PDHX: variants seen among roughly 807,000 people sequenced by gnomAD.
PDHX encodes pyruvate dehydrogenase protein X component, mitochondrial.
A neutral mutation model predicts 55.3 loss-of-function variants in PDHX; 33 were observed. The ratio of observed to expected loss-of-function variants is 0.60; its 90% CI spans 0.45 to 0.80. The LOEUF (loss-of-function observed/expected upper bound fraction) is 0.80. Among genes scored for constraint, PDHX ranks in the 30% least tolerant of loss-of-function variants. PDHX has a pLI of 0.00. For synonymous variants in PDHX, 226 were observed against 219.4 expected, an observed-to-expected ratio of 1.03 and a Z score of -0.27; for missense variants, 622 against 619.9, an observed-to-expected ratio of 1.00 and a Z score of -0.04.
intron 1 of PDHX, among the ~76,000 whole-genome samples, chr11:34,924,378 C>A (rs543724542): frequency 1.3e-5 from 2 of 152,202 alleles, no homozygotes; most frequent in South Asian, 4.1e-4. Context: ...GCATGTGCCA[C>A]CAAGCCTAAT....
intron 7 of PDHX, among the ~76,000 whole-genome samples, chr11:34,971,908 A>G (rs1271672156): frequency 6.6e-6 from 1 of 152,056 alleles, no homozygotes; most frequent in Non-Finnish European, 1.5e-5. Flanking sequence ...GTTTTTAACT[A>G]TGAATTTTAT....
chr11:34,977,502 C>T (rs548966607), intron 7 of PDHX, among the ~76,000 whole-genome samples: 9 of 152,244 alleles, frequency 5.9e-5, no homozygotes, highest in Admixed American at 5.2e-4. Context: ...ACACTAGGAC[C>T]TATGCCAGCA....
chr11:34,954,749 T>C (rs1427246023), intron 3 of PDHX, among the ~76,000 whole-genome samples: 3 of 150,290 alleles, frequency 2.0e-5, no homozygotes, highest in East Asian at 3.9e-4. Flanking sequence ...ACAATGAAAA[T>C]GAAAACAAGT....
chr11:34,954,881 A>C (rs1226278454), intron 3 of PDHX, among the ~76,000 whole-genome samples: 1 of 152,216 alleles, frequency 6.6e-6, no homozygotes, highest in East Asian at 1.9e-4. Flanking sequence ...ATGGTGAGAT[A>C]AGGAAACTTT....
Position 34,957,359 on chromosome 11 carries a change from A to G in PDHX, c.343-25A>G, listed in dbSNP as rs373954794. 120 of 1,458,086 alleles carry G rather than the reference A, an allele frequency of 8.2e-5. No homozygotes were observed. The African/African-American group carries it at 1.4e-3, about 18-fold the overall frequency. The allele number at this position is 1,458,086 out of a possible 1,614,324, so 90.3% of individuals were successfully genotyped here. A position where few individuals can be genotyped will look rare whatever the true frequency, so the allele number is the denominator to read the frequency against. On this transcript the variant is annotated intron_variant, in intron 3 of 10. Coordinates refer to ENST00000227868, the MANE Select transcript of PDHX (RefSeq NM_003477.3). ...TGCAGTCATGGGGTTTTACTTCTCT[A>G]CAGTTACTTCTTTTTTAAATATAGG... is the stretch of plus-strand genomic sequence containing the variant.
chr11:34,977,504 A>G (rs1855405253), intron 7 of PDHX, among the ~76,000 whole-genome samples: 1 of 152,188 alleles, frequency 6.6e-6, no homozygotes, highest in African/African-American at 2.4e-5. Context: ...ACTAGGACCT[A>G]TGCCAGCATT....
At chr11:34,936,783 CTTTTTTTT>C (rs58582234) in intron 2 of PDHX, among the ~76,000 whole-genome samples, 1 of 79,014 alleles carries the variant, frequency 1.3e-5, no homozygotes, top group African/African-American at 6.3e-5. Flanking sequence ...CTTTTCTTTT[CTTTTTTTT>C]TTTTTTTTTT....
chr11:34,967,027 T>C (rs1302630224), intron 6 of PDHX, among the ~76,000 whole-genome samples: 1 of 152,022 alleles, frequency 6.6e-6, no homozygotes, highest in Non-Finnish European at 1.5e-5. Flanking sequence ...AATTTTTGTA[T>C]TTTTAGTAGA....
At chr11:34,966,846 T>C (rs757160200) in intron 6 of PDHX, 32 bp downstream of exon 6, 2 of 1,587,780 alleles carry the variant, frequency 1.3e-6, no homozygotes, top group African/African-American at 2.7e-5. Flanking sequence ...TTTATTTCTT[T>C]TTCTTGTTTT....
chr11:34,938,476 A>T (rs1382867726), intron 2 of PDHX, among the ~76,000 whole-genome samples: 2 of 152,230 alleles, frequency 1.3e-5, no homozygotes, highest in African/African-American at 4.8e-5. Flanking sequence ...ACCTTTATAA[A>T]TAATGTAATC....
chr11:34,946,550 C>T (rs1426643779), intron 2 of PDHX, among the ~76,000 whole-genome samples: 1 of 152,162 alleles, frequency 6.6e-6, no homozygotes, highest in East Asian at 1.9e-4. Context: ...CCCCCTCGAT[C>T]CTTGCCACCA....
Position 34,939,748 on chromosome 11 carries a change from G to A in PDHX, c.242-7758G>A, listed in dbSNP as rs571303351. Among the ~76,000 whole-genome samples the A allele has an allele frequency of 8.6e-5, 13 of 151,882 alleles. No homozygotes were observed. In the East Asian group the frequency reaches 1.5e-3, roughly 18 times the overall value. The stretch of plus-strand genomic sequence containing the variant: ...GTATTATAGCATATAAATTATTTCC[G>A]TCTTTGTTGAACTCATGATTCTAAG... On this transcript the variant is annotated intron_variant, in intron 2 of 10. Transcript: ENST00000227868.
rs531451418 is a variant in PDHX, at chr11:34,947,492, G to A, written c.242-14G>A. 6.3e-7 allele frequency: 1 copy of A among 1,585,144 alleles called. No individual in the cohort carries two copies. ...TATTTTAAAAAACAAAACAAACCCA[G>A]TCTTGTTTTGTAGGTGAAGCGGTGA... is the stretch of plus-strand genomic sequence containing the variant. On this transcript the variant is annotated splice_polypyrimidine_tract_variant and intron_variant, in intron 2 of 10. Transcript: ENST00000227868.
At chr11:34,977,811 G>C (rs1170311824) in intron 7 of PDHX, 1 of 474,262 alleles carries the variant, frequency 2.1e-6, no homozygotes, top group Non-Finnish European at 4.2e-6. Context: ...AGACATAGGA[G>C]TTAGTTCTTT....
intron 4 of PDHX, among the ~76,000 whole-genome samples, 170 bp downstream of exon 4, chr11:34,957,753 T>C (rs1854938716): frequency 6.6e-6 from 1 of 151,990 alleles, no homozygotes; most frequent in Non-Finnish European, 1.5e-5. Flanking sequence ...CCATCATTGT[T>C]CATTCAGTAA....
intron 10 of PDHX, among the ~76,000 whole-genome samples, chr11:34,993,769 T>TCA (rs1855805060): frequency 1.3e-5 from 2 of 152,240 alleles, no homozygotes; most frequent in South Asian, 4.1e-4. Flanking sequence ...TTGCCATTTT[T>TCA]CACACACACA....
chr11:34,962,003 C>G (rs1170163093), intron 5 of PDHX, among the ~76,000 whole-genome samples: 1 of 152,162 alleles, frequency 6.6e-6, no homozygotes, highest in African/African-American at 2.4e-5. Context: ...CAGTCTGTGC[C>G]TTAGTAGCAC....
intron 9 of PDHX, among the ~76,000 whole-genome samples, chr11:34,989,924 A>G (rs114062509): frequency 1.1e-3 from 171 of 152,312 alleles, no homozygotes; most frequent in African/African-American, 4.0e-3. Context: ...TTTTAAAACA[A>G]ATTTCAGTAA....
intron 2 of PDHX, among the ~76,000 whole-genome samples, 163 bp downstream of exon 2, chr11:34,931,647 T>C (rs955555717): frequency 6.6e-6 from 1 of 152,028 alleles, no homozygotes; most frequent in African/African-American, 2.4e-5. Flanking sequence ...AATTTTCCCA[T>C]GATAAAGCAG....
Sources: gnomAD v4.1 joint callset for allele counts (sites outside exome capture counted in the v4.1 genomes callset) on GRCh38, gnomAD v4.1.1 for gene constraint, MANE v1.5 for transcripts, NCBI Gene and HGNC (gene_info 2026-07-23, HGNC 2026-07-21) for gene names.